RBFOX1: variants seen among roughly 807,000 people sequenced by gnomAD.
RBFOX1 encodes RNA binding fox-1 homolog 1.
RBFOX1 carries 8 observed loss-of-function variants against 57.7 expected under a neutral mutation model. That is an observed-to-expected ratio of 0.14 (90% confidence interval 0.08 to 0.25). The LOEUF is 0.25. RBFOX1 is among the 10% of genes least tolerant of loss of function. The pLI, the probability that RBFOX1 is intolerant of heterozygous loss-of-function variation, is 1.00. For synonymous variants in RBFOX1, 326 were observed against 222.4 expected (o/e 1.47, Z -4.15); for missense variants, 611 against 548.5 (o/e 1.11, Z -1.14).
chr16:7,540,610 G>C (rs773119566), intron 5 of RBFOX1, among the ~76,000 whole-genome samples: 1 of 152,208 alleles, frequency 6.6e-6, no homozygotes, highest in East Asian at 1.9e-4. Context: ...CTCTATGGTT[G>C]TTGTCATGGA....
At chr16:6,770,829 G>C (rs1188046394) in intron 3 of RBFOX1, among the ~76,000 whole-genome samples, 1 of 152,154 alleles carries the variant, frequency 6.6e-6, no homozygotes, top group Non-Finnish European at 1.5e-5. Context: ...AATGGAGAGA[G>C]CCCATTTCTA....
intron 1 of RBFOX1, among the ~76,000 whole-genome samples, chr16:5,345,651 A>G (rs940446451): frequency 1.3e-5 from 2 of 151,910 alleles, no homozygotes; most frequent in African/African-American, 4.8e-5. Context: ...CTTCTTAAAC[A>G]CCCAGGAGCC....
intron 4 of RBFOX1, among the ~76,000 whole-genome samples, chr16:5,962,039 T>A (rs1393638012): frequency 1.3e-5 from 2 of 152,212 alleles, no homozygotes; most frequent in Admixed American, 6.5e-5. Context: ...CCATGGCTCC[T>A]GTTCTCGTGG....
intron 3 of RBFOX1, among the ~76,000 whole-genome samples, chr16:5,733,934 C>T (rs533754968): frequency 6.6e-6 from 1 of 152,110 alleles, no homozygotes; most frequent in South Asian, 2.1e-4. Flanking sequence ...TCATTTTCTC[C>T]ATTTCCTTCA....
Position 5,460,019 on chromosome 16 carries a change from G to T in RBFOX1, c.220-7197G>T, listed in dbSNP as rs138475517. Among the ~76,000 whole-genome samples the T allele has an allele frequency of 2.6e-4, 39 of 152,238 alleles. No homozygotes were observed. The East Asian group carries it at 7.3e-3, about 29-fold the overall frequency. On this transcript the variant is annotated intron_variant, in intron 1 of 2. Coordinates refer to the RBFOX1 transcript ENST00000585867. Reference sequence around the variant, plus strand: ...CTACACTTGCATGTTTAGTTTTCCTGTTTTGTCTGATTCTGTTTCCTAAAA... The same window carrying T: ...CTACACTTGCATGTTTAGTTTTCCTTTTTTGTCTGATTCTGTTTCCTAAAA...
intron 3 of RBFOX1, among the ~76,000 whole-genome samples, chr16:5,715,393 G>A (rs2051657881): frequency 6.6e-6 from 1 of 152,152 alleles, no homozygotes; most frequent in Admixed American, 6.5e-5. Context: ...ACTCAAGGAT[G>A]GGGACATTCA....
intron 3 of RBFOX1, among the ~76,000 whole-genome samples, chr16:6,691,861 G>A (rs146274821): frequency 1.3e-5 from 2 of 152,308 alleles, no homozygotes; most frequent in African/African-American, 4.8e-5. Flanking sequence ...CTGGTCAGAG[G>A]AGAGAAGTGA....
At chr16:6,047,021 G>C (rs1287335022) in intron 1 of RBFOX1, among the ~76,000 whole-genome samples, 1 of 152,186 alleles carries the variant, frequency 6.6e-6, no homozygotes, top group Non-Finnish European at 1.5e-5. Flanking sequence ...GGTTGCTGAT[G>C]AAGGACGCCT....
At chr16:6,943,012 A>C (rs1377442328) in intron 3 of RBFOX1, among the ~76,000 whole-genome samples, 1 of 152,150 alleles carries the variant, frequency 6.6e-6, no homozygotes, top group Non-Finnish European at 1.5e-5. Flanking sequence ...GGCTCTTCCT[A>C]CCCAGACCCA....
In RBFOX1 at chr16:5,946,790, T is replaced by G. The variant is rs62013931; in HGVS notation, c.351+79455T>G. 6.6e-6 allele frequency among the ~76,000 whole-genome samples: 1 copy of G among 152,150 alleles called. No individual in the cohort carries two copies. The highest frequency in any genetic ancestry group is 1.5e-5 in the Non-Finnish European group (1 of 68,014). On this transcript the variant is annotated intron_variant, in intron 4 of 19. Coordinates refer to the RBFOX1 transcript ENST00000641259. The surrounding 1 kb of genome is among the most constrained non-coding windows in gnomAD (Gnocchi z 4.6). ...TCTGATTCTAACTCCAGGTGGATCA[T>G]GTCAGAATTGAACTGTAGGACACCC...
rs984716959 is a variant in RBFOX1 at position 6,543,148 on chromosome 16, T to A, written c.-63-111455T>A. Among the ~76,000 whole-genome samples, 5 of 152,160 alleles carry A rather than the reference T, an allele frequency of 3.3e-5. No individual in the cohort carries two copies. In the East Asian group the frequency reaches 9.6e-4, roughly 29 times the overall value. Reference sequence around the variant, plus strand: ...AGAGTTACACTCAAAATGTGGCACATTTGTACCCCATCCCTTAGGTGGAAC... The same window carrying A: ...AGAGTTACACTCAAAATGTGGCACAATTGTACCCCATCCCTTAGGTGGAAC... On this transcript the variant is annotated intron_variant, in intron 2 of 15. Coordinates refer to ENST00000550418, the MANE Select transcript of RBFOX1 (RefSeq NM_018723.4).
chr16:6,663,386 A>G (rs12922407), intron 3 of RBFOX1, among the ~76,000 whole-genome samples: 25,175 of 152,138 alleles, frequency 0.17, 2,338 homozygotes, highest in Non-Finnish European at 0.2. Context: ...GTGAGGTTGC[A>G]TATGAGCATG....
At chr16:6,487,152 G>GTGTGTGTGTC (rs1555498858) in intron 2 of RBFOX1, among the ~76,000 whole-genome samples, 1 of 85,856 alleles carries the variant, frequency 1.2e-5, no homozygotes, top group East Asian at 2.8e-4. Context: ...TTCTGTGTGT[G>GTGTGTGTGTC]TGTGTGTGTG....
At chr16:7,651,412 T>C (rs2065032896) in intron 11 of RBFOX1, among the ~76,000 whole-genome samples, 1 of 152,218 alleles carries the variant, frequency 6.6e-6, no homozygotes, top group South Asian at 2.1e-4. Context: ...GAGTTCTAAG[T>C]GCACTACATG....
At chr16:6,293,779 G>C (rs774569942) in intron 1 of RBFOX1, among the ~76,000 whole-genome samples, 4 of 152,090 alleles carry the variant, frequency 2.6e-5, no homozygotes, top group African/African-American at 9.7e-5. Flanking sequence ...CTAACCAGAG[G>C]GTCCAGGAAT....
chr16:5,311,897 A>G (rs998949145), intron 1 of RBFOX1, among the ~76,000 whole-genome samples: 1 of 152,102 alleles, frequency 6.6e-6, no homozygotes, highest in Non-Finnish European at 1.5e-5. Flanking sequence ...CTTGACTCCC[A>G]TGGTCACTTG....
chr16:6,805,951 A>T (rs2086670673), intron 3 of RBFOX1, among the ~76,000 whole-genome samples: 1 of 152,188 alleles, frequency 6.6e-6, no homozygotes, highest in Non-Finnish European at 1.5e-5. Context: ...AGAATTCCAA[A>T]AGCCAAGCTG....
At chr16:7,696,633 AG>A (rs1196509187) in intron 14 of RBFOX1, among the ~76,000 whole-genome samples, 2 of 152,306 alleles carry the variant, frequency 1.3e-5, no homozygotes, top group Non-Finnish European at 2.9e-5. Flanking sequence ...AGTCAGGAGA[AG>A]GTCTCATCAA....
chr16:5,905,066 T>C (rs1466918349), intron 4 of RBFOX1, among the ~76,000 whole-genome samples: 1 of 69,968 alleles, frequency 1.4e-5, no homozygotes, highest in African/African-American at 5.6e-5. Context: ...GACTGGTGCT[T>C]TTTTTTTTTT....
Sources: gnomAD v4.1 joint callset for allele counts (sites outside exome capture counted in the v4.1 genomes callset) on GRCh38, gnomAD v4.1.1 for gene constraint, Gnocchi (gnomAD v3.1) non-coding constraint, MANE v1.5 for transcripts, NCBI Gene and HGNC (gene_info 2026-07-23, HGNC 2026-07-21) for gene names.